Variants in NDE1 observed in about 807,000 individuals in gnomAD.
NDE1 encodes the protein nudE neurodevelopment protein 1, also known as nuclear distribution protein nudE homolog 1.
Under a neutral mutation model 43.4 loss-of-function variants are expected in NDE1, and 28 were observed. The observed-to-expected ratio is 0.65, with a 90% CI of 0.48 to 0.89. NDE1 has a LOEUF of 0.89. Among genes scored for constraint, NDE1 ranks in the 40% least tolerant of loss-of-function variants. The pLI, the probability that NDE1 is intolerant of heterozygous loss-of-function variation, is 0.00. For missense variants in NDE1, 441 were observed against 434.1 expected (o/e 1.02, Z -0.14); for synonymous variants, 184 against 172.0 (o/e 1.07, Z -0.55).
chr16:15,706,441 C>T (rs1191246871), intron 8 of NDE1, among the ~76,000 whole-genome samples: 1 of 152,208 alleles, frequency 6.6e-6, no homozygotes, highest in African/African-American at 2.4e-5. Context: ...TGCTGCGACT[C>T]ATGCCTGTAA....
chr16:15,702,959 G>A (rs1380602106), intron 8 of NDE1, among the ~76,000 whole-genome samples: 1 of 152,018 alleles, frequency 6.6e-6, no homozygotes, highest in Non-Finnish European at 1.5e-5. Flanking sequence ...TCTCTGCTCT[G>A]CTCTCTGGCT....
At chr16:15,662,943 G>A (rs182810954) in intron 1 of NDE1, among the ~76,000 whole-genome samples, 1 of 152,182 alleles carries the variant, frequency 6.6e-6, no homozygotes, top group Admixed American at 6.5e-5. Context: ...TCCTTCCTCT[G>A]CCTGTCCATG....
chr16:15,649,372 G>A (rs2151382435), upstream of NDE1: 1 of 152,332 alleles, frequency 6.6e-6, no homozygotes, highest in African/African-American at 2.4e-5. Flanking sequence ...TGTCGCCTAG[G>A]CTAGAGTGCA....
At chr16:15,686,344 A>G in intron 4 of NDE1, 1 of 977,002 alleles carries the variant, frequency 1.0e-6, no homozygotes, top group Non-Finnish European at 1.2e-6. Flanking sequence ...ACTGAGGTGC[A>G]GAGAAGGTGG....
At position 15,696,811 on chromosome 16, in the gene NDE1, G is replaced by A. The variant is rs1271590342; in HGVS notation, c.898G>A (p.Gly300Ser). 6.2e-7 allele frequency: 1 copy of A among 1,614,200 alleles called. No individual in the cohort carries two copies. Among genetic ancestry groups the A allele is most frequent in the South Asian group, 1.1e-5 (1 of 91,084 alleles). Residue 300 changes from glycine (G) to serine (S), a missense_variant, in exon 8 of 9, where the codon GGC (glycine) becomes AGC (serine). Coordinates refer to ENST00000396354, the MANE Select transcript of NDE1 (RefSeq NM_017668.3). ...TGGGCGGAGCAGCAAGAACAGAGAT[G>A]GCGGGGAGAGACGGCCAAGCAGCAC... is the stretch of plus-strand genomic sequence containing the variant. ...ASGRSSKNRD[G>S]GERRPSSTSV...
At chr16:15,681,123 A>T (rs2038152645) in intron 4 of NDE1, among the ~76,000 whole-genome samples, 1 of 135,428 alleles carries the variant, frequency 7.4e-6, no homozygotes, top group Non-Finnish European at 1.6e-5. Flanking sequence ...TAATTGTTTA[A>T]TTTTTTTGTA....
At chr16:15,671,568 A>T (rs901663652) in intron 3 of NDE1, among the ~76,000 whole-genome samples, 10 of 152,018 alleles carry the variant, frequency 6.6e-5, no homozygotes, top group Admixed American at 5.3e-4. Flanking sequence ...CCCAATCCCC[A>T]TATCCGTGAC....
intron 8 of NDE1, chr16:15,719,260 C>T (rs267604421): frequency 6.2e-7 from 1 of 1,613,512 alleles, no homozygotes. Context: ...GCCAGTTCCT[C>T]CTTCTCGAGG....
At position 15,694,223 on chromosome 16, in the gene NDE1, C is replaced by T. The variant is rs149367681; in HGVS notation, c.762C>T (p.Leu254=). The T allele has an allele frequency of 3.7e-6, 6 of 1,613,648 alleles. No homozygotes were observed. The highest frequency in any genetic ancestry group is 2.2e-5 in the South Asian group (2 of 91,052). The stretch of plus-strand genomic sequence containing the variant: ...CACCTGCGGCCCGGATATCAGCCCT[C>T]AACATTGTGGGAGACCTACTGCGGA... ...PLTPAARISA[L]NIVGDLLRKV... The change falls in exon 7 of 9, where the codon CTC becomes CTT. Residue 254 remains leucine, a synonymous_variant. Coordinates refer to ENST00000396354, the MANE Select transcript of NDE1 (RefSeq NM_017668.3).
chr16:15,703,974 A>G (rs1424265284), intron 8 of NDE1: 1 of 1,613,774 alleles, frequency 6.2e-7, no homozygotes, highest in Admixed American at 1.7e-5. Flanking sequence ...CCGTGGTGCA[A>G]AACTGTAGAA....
chr16:15,653,716 A>G (rs1263640263), intron 1 of NDE1, among the ~76,000 whole-genome samples: 1 of 151,758 alleles, frequency 6.6e-6, no homozygotes, highest in Non-Finnish European at 1.5e-5. Context: ...CAAAAAAAAA[A>G]AAAGCATGTG....
Position 15,677,806 on chromosome 16 carries a change from G to C in NDE1, c.243G>C (p.Lys81Asn), listed in dbSNP as rs1188641568. The C allele has an allele frequency of 6.2e-6, 10 of 1,614,046 alleles. No homozygotes were observed. Among genetic ancestry groups the C allele is most frequent in the Non-Finnish European group, 8.5e-6 (10 of 1,180,040 alleles). Residue 81 changes from lysine (K) to asparagine (N), a missense_variant, in exon 4 of 9, where the codon AAG (lysine) becomes AAC (asparagine). Transcript: ENST00000396354. The stretch of plus-strand genomic sequence containing the variant: ...GTGTCTGTGTTGTCCTTCAGGAGAA[G>C]TTTGAAGTGCAGCACTCTGAAGGCT... The part of the protein sequence containing the change: ...LRMELETIKE[K>N]FEVQHSEGYR...
chr16:15,724,790 G>C lies in NDE1; in HGVS notation c.*539G>C, dbSNP rs150033906. On this transcript the variant is annotated 3_prime_UTR_variant, in exon 9 of 9. Coordinates refer to ENST00000396354, the MANE Select transcript of NDE1 (RefSeq NM_017668.3). Reference sequence around the variant, plus strand: ...TTGAGCTTCTGCCGGGTTTCTTCTTGAAGCAGCTCCTGCAAAAGGGATGCA... The same window carrying C: ...TTGAGCTTCTGCCGGGTTTCTTCTTCAAGCAGCTCCTGCAAAAGGGATGCA... The C allele has an allele frequency of 5.2e-4, 835 of 1,613,970 alleles. No homozygotes were observed. The highest frequency in any genetic ancestry group is 4.3e-4 in the Non-Finnish European group (507 of 1,180,036).
At chr16:15,644,938 G>T (rs867259242) in intron 1 of NDE1, among the ~76,000 whole-genome samples, 3,545 of 60,744 alleles carry the variant, frequency 0.058, 76 homozygotes, top group East Asian at 0.21. Context: ...TTTTTTTTTT[G>T]AGACAAAGTC....
chr16:15,650,940 C>T (rs1439254935), intron 1 of NDE1, among the ~76,000 whole-genome samples: 1 of 152,184 alleles, frequency 6.6e-6, no homozygotes, highest in South Asian at 2.1e-4. Context: ...CCGTCTCTGC[C>T]GCAGGACGGT....
intron 8 of NDE1, chr16:15,720,107 G>T: frequency 3.7e-6 from 6 of 1,613,404 alleles, no homozygotes; most frequent in Non-Finnish European, 5.1e-6. Flanking sequence ...GAGGGGAACT[G>T]TGCCCTCCCT....
intron 8 of NDE1, chr16:15,699,745 G>A (rs1389087800): frequency 7.4e-7 from 1 of 1,351,344 alleles, no homozygotes; most frequent in Non-Finnish European, 9.8e-7. Context: ...GAAGCGCCTG[G>A]AATTTGGGAA....
chr16:15,708,181 G>A (rs1174788590), intron 8 of NDE1, among the ~76,000 whole-genome samples: 3 of 152,152 alleles, frequency 2.0e-5, no homozygotes, highest in Non-Finnish European at 4.4e-5. Context: ...TTTGTAGCTA[G>A]ACATCACTCA....
In NDE1 at chr16:15,656,411, C is replaced by T. The variant is rs75389490; in HGVS notation, c.-44+6117C>T. On this transcript the variant is annotated intron_variant, in intron 1 of 8. Coordinates refer to ENST00000396354, the MANE Select transcript of NDE1 (RefSeq NM_017668.3). The stretch of plus-strand genomic sequence containing the variant: ...TTGGCCCGTTGTAATTAGAACCTGC[C>T]CCACAATAGACGCACCTCCTAAAGC... Among the ~76,000 whole-genome samples the T allele has an allele frequency of 6.6e-5, 10 of 152,230 alleles. No individual in the cohort carries two copies. The East Asian group carries it at 1.9e-3, about 29-fold the overall frequency.
Sources: allele counts gnomAD v4.1 joint callset (sites outside exome capture counted in the v4.1 genomes callset), GRCh38; gene constraint gnomAD v4.1.1; transcripts MANE v1.5; gene names NCBI Gene and HGNC (gene_info 2026-07-23, HGNC 2026-07-21).